The following NLGN1 variants were observed in gnomAD, a reference collection of about 807,000 sequenced individuals.
NLGN1 encodes the protein neuroligin 1.
NLGN1 carries 12 observed loss-of-function variants against 65.5 expected under a neutral mutation model. The observed-to-expected ratio is 0.18, with a 90% CI of 0.12 to 0.30. The LOEUF is 0.30. NLGN1 is among the 10% of genes least tolerant of loss of function. The pLI is 1.00. For missense variants in NLGN1, 750 were observed against 1,007.1 expected (o/e 0.74, Z 3.46); for synonymous variants, 350 against 359.5 (o/e 0.97, Z 0.30).
chr3:173,797,716 C>T (rs1343856149), intron 3 of NLGN1, among the ~76,000 whole-genome samples: 2 of 138,782 alleles, frequency 1.4e-5, no homozygotes, highest in African/African-American at 2.7e-5. Context: ...AAACAAGAAA[C>T]AAACAAGCAA....
At chr3:174,149,726 C>T (rs1268385804) in intron 4 of NLGN1, among the ~76,000 whole-genome samples, 1 of 151,638 alleles carries the variant, frequency 6.6e-6, no homozygotes, top group Non-Finnish European at 1.5e-5. Context: ...AAGTGATTTA[C>T]AAGATATGAT....
intron 4 of NLGN1, among the ~76,000 whole-genome samples, chr3:174,076,077 T>C (rs763284504): frequency 6.6e-6 from 1 of 152,186 alleles, no homozygotes; most frequent in Non-Finnish European, 1.5e-5. Flanking sequence ...TTATTAATTA[T>C]TTGTCAAATA....
At chr3:173,605,261 A>G (rs1751195964) in intron 3 of NLGN1, among the ~76,000 whole-genome samples, 170 bp downstream of exon 2, 1 of 151,954 alleles carries the variant, frequency 6.6e-6, no homozygotes, top group African/African-American at 2.4e-5. Context: ...GTGTCAGTGT[A>G]TCTGTACTTA....
intron 4 of NLGN1, among the ~76,000 whole-genome samples, chr3:174,271,078 T>C (rs1024915218): frequency 7.2e-5 from 11 of 151,810 alleles, no homozygotes; most frequent in African/African-American, 2.7e-4. Flanking sequence ...ACAGCATTGA[T>C]AAACACTGCA....
At chr3:173,608,680 A>G in intron 3 of NLGN1, among the ~76,000 whole-genome samples, 1 of 151,006 alleles carries the variant, frequency 6.6e-6, no homozygotes, top group African/African-American at 2.4e-5. Context: ...GATTTCCGTT[A>G]TGTTAAATTA....
At chr3:174,239,980 T>C (rs1480403658) in intron 4 of NLGN1, among the ~76,000 whole-genome samples, 1 of 152,142 alleles carries the variant, frequency 6.6e-6, no homozygotes, top group Non-Finnish European at 1.5e-5. Flanking sequence ...AACCCCAGAA[T>C]ATAATTTTTA....
chr3:174,228,005 G>A (rs188989252), intron 4 of NLGN1, among the ~76,000 whole-genome samples: 5 of 151,956 alleles, frequency 3.3e-5, no homozygotes, highest in African/African-American at 7.2e-5. Flanking sequence ...CATATTCTTA[G>A]GAAAATTTGT....
intron 4 of NLGN1, among the ~76,000 whole-genome samples, chr3:174,166,536 T>C (rs1439361657): frequency 6.6e-6 from 1 of 152,136 alleles, no homozygotes; most frequent in Non-Finnish European, 1.5e-5. Context: ...TTCACCATGG[T>C]CCAAGAGTGT....
chr3:173,434,974 G>A (rs1717846905), intron 1 of NLGN1: 1 of 152,600 alleles, frequency 6.6e-6, no homozygotes, highest in Non-Finnish European at 1.5e-5. Flanking sequence ...CTAATTCTCT[G>A]CTTTCTCTTT....
chr3:174,160,266 C>T (rs1172156019), intron 4 of NLGN1, among the ~76,000 whole-genome samples: 2 of 151,538 alleles, frequency 1.3e-5, no homozygotes, highest in African/African-American at 2.4e-5. Context: ...CATTCTATCT[C>T]GTTTGGTTTT....
At chr3:174,227,947 T>G (rs554491449) in intron 4 of NLGN1, among the ~76,000 whole-genome samples, 17 of 152,212 alleles carry the variant, frequency 1.1e-4, no homozygotes, top group African/African-American at 4.1e-4. Flanking sequence ...AAATCTGATA[T>G]TATTTGCATA....
At chr3:173,913,521 G>A (rs1366799863) in intron 4 of NLGN1, among the ~76,000 whole-genome samples, 4 of 152,166 alleles carry the variant, frequency 2.6e-5, no homozygotes, top group Admixed American at 6.6e-5. Flanking sequence ...GCCCAGGAAC[G>A]AGTGAAGAAG....
At chr3:174,246,285 G>C (rs1015076368) in intron 4 of NLGN1, among the ~76,000 whole-genome samples, 1 of 152,114 alleles carries the variant, frequency 6.6e-6, no homozygotes, top group African/African-American at 2.4e-5. Context: ...TATATTGGTT[G>C]CTCTGTATAT....
At chr3:174,072,304 T>C (rs1310955430) in intron 4 of NLGN1, among the ~76,000 whole-genome samples, 1 of 152,118 alleles carries the variant, frequency 6.6e-6, no homozygotes, top group African/African-American at 2.4e-5. Context: ...GACTATGTCC[T>C]TGGGGAAGGA....
At chr3:173,668,664 G>C (rs1762052044) in intron 3 of NLGN1, among the ~76,000 whole-genome samples, 1 of 149,644 alleles carries the variant, frequency 6.7e-6, no homozygotes, top group Non-Finnish European at 1.5e-5. Context: ...CCGTCACCCA[G>C]GCTGGATGGA....
chr3:173,789,333 T>G (rs373003256), intron 3 of NLGN1, among the ~76,000 whole-genome samples: 1 of 152,320 alleles, frequency 6.6e-6, no homozygotes, highest in East Asian at 1.9e-4. Context: ...GCCAGTCCTT[T>G]GTGTTGTAAC....
chr3:173,619,953 A>G (rs559339689), intron 3 of NLGN1, among the ~76,000 whole-genome samples: 1 of 152,080 alleles, frequency 6.6e-6, no homozygotes, highest in Non-Finnish European at 1.5e-5. Flanking sequence ...TGAGTGGGAG[A>G]GGGCTTCTTT....
chr3:173,410,965 A>G (rs920017327), intron 1 of NLGN1, among the ~76,000 whole-genome samples: 1 of 152,234 alleles, frequency 6.6e-6, no homozygotes, highest in East Asian at 1.9e-4. Flanking sequence ...CACAAGAGGG[A>G]GTAGTTTAAT....
At chr3:173,567,760 G>T (rs1743933173) in intron 2 of NLGN1, among the ~76,000 whole-genome samples, 1 of 151,786 alleles carries the variant, frequency 6.6e-6, no homozygotes, top group South Asian at 2.1e-4. Flanking sequence ...CCTTCTCTGG[G>T]ATTATTCTTT....
Sources: allele counts gnomAD v4.1 joint callset (sites outside exome capture counted in the v4.1 genomes callset), GRCh38; gene constraint gnomAD v4.1.1; transcripts MANE v1.5; gene names NCBI Gene and HGNC (gene_info 2026-07-23, HGNC 2026-07-21).